The following BRCA2 variants were observed in gnomAD, a reference collection of about 807,000 sequenced individuals.
BRCA2 encodes the protein BRCA2 DNA repair associated.
In BRCA2, 203 loss-of-function variants were observed where a neutral mutation model predicts 276.7. The observed-to-expected ratio is 0.73, with a 90% CI of 0.65 to 0.82. The LOEUF is 0.82. Ranked by LOEUF, BRCA2 falls within the 40% of genes least tolerant of loss-of-function variation. The pLI is 0.00. For missense variants in BRCA2, 3,920 were observed against 3,915.0 expected (o/e 1.00, Z -0.03); for synonymous variants, 1,289 against 1,338.4 (o/e 0.96, Z 0.81).
rs80358691 is a variant in BRCA2, at chr13:32,326,130, C to A, written c.455C>A (p.Thr152Lys). The change falls in exon 5 of 27, where the codon ACA (threonine) becomes AAA (lysine). Residue 152 changes from threonine (T) to lysine (K), a missense_variant. Thr to Lys is a moderately conservative substitution (Grantham distance 78, BLOSUM62 -1). Coordinates refer to ENST00000380152, the MANE Select transcript of BRCA2 (RefSeq NM_000059.4). ...GTTGTTCTACAATGTACACATGTAA[C>A]ACCACAAAGAGATAAGTCAGGTATG... ...SPVVLQCTHV[T>K]PQRDKSVVCG... 5 of 1,609,678 alleles carry A rather than the reference C, an allele frequency of 3.1e-6. No individual in the cohort carries two copies. The highest frequency in any genetic ancestry group is 3.4e-6 in the Non-Finnish European group (4 of 1,177,414).
intron 17 of BRCA2, 130 bp from the exon 18 acceptor site, chr13:32,363,049 A>C: frequency 1.2e-6 from 1 of 821,926 alleles, no homozygotes; most frequent in African/African-American, 1.7e-5. Context: ...ATTCCTAGCT[A>C]CAAAATTTTT....
chr13:32,319,086 C>G lies in BRCA2; in HGVS notation c.77C>G (p.Pro26Arg), dbSNP rs1566215668. The change falls in exon 3 of 27, where the codon CCA (proline) becomes CGA (arginine). Residue 26 changes from proline to arginine, a missense_variant. Physicochemically the swap from Pro to Arg is moderately radical, Grantham distance 103. Transcript: ENST00000380152. ...TTTTTTTTTTAAATAGATTTAGGAC[C>G]AATAAGTCTTAATTGGTTTGAAGAA... ...KTRCNKADLG[P>R]ISLNWFEELS... 1 of 1,612,100 alleles carries G rather than the reference C, an allele frequency of 6.2e-7. No individual in the cohort carries two copies. Among genetic ancestry groups the G allele is most frequent in the Non-Finnish European group, 8.5e-7 (1 of 1,178,706 alleles).
intron 20 of BRCA2, among the ~76,000 whole-genome samples, chr13:32,375,732 G>A (rs780876172): frequency 7.2e-4 from 109 of 151,976 alleles, no homozygotes; most frequent in Admixed American, 7.1e-3. Context: ...GGCTAATTTT[G>A]TATTTTTAGT....
chr13:32,376,542 A>C, intron 20 of BRCA2, 128 bp from the exon 21 acceptor site: 4 of 1,077,680 alleles, frequency 3.7e-6, no homozygotes, highest in Non-Finnish European at 5.3e-6. Context: ...AAAAGAAAAA[A>C]CTTTTAGCAG....
chr13:32,347,558 A>G (rs926895186), intron 13 of BRCA2, among the ~76,000 whole-genome samples: 9 of 152,206 alleles, frequency 5.9e-5, no homozygotes, highest in African/African-American at 2.2e-4. Context: ...CTTGAAAAAG[A>G]TGAATTGAGA....
At position 32,332,696 on chromosome 13, in the gene BRCA2, C is replaced by G. The variant is rs276174807; in HGVS notation, c.1218C>G (p.Ala406=). The G allele has an allele frequency of 1.4e-5, 22 of 1,613,574 alleles. No homozygotes were observed. In the East Asian group the frequency reaches 4.2e-4, roughly 31 times the overall value. The stretch of plus-strand genomic sequence containing the variant: ...TAACCCTTTCAGGTCTAAATGGAGC[C>G]CAGATGGAGAAAATACCCCTATTGC... ...SQLTLSGLNG[A]QMEKIPLLHI... The change falls in exon 10 of 27, where the codon GCC becomes GCG. Residue 406 remains alanine (A), a synonymous_variant. Coordinates refer to ENST00000380152, the MANE Select transcript of BRCA2 (RefSeq NM_000059.4).
At chr13:32,346,378 T>C (rs1422034567) in intron 12 of BRCA2, among the ~76,000 whole-genome samples, 1 of 152,080 alleles carries the variant, frequency 6.6e-6, no homozygotes, top group Non-Finnish European at 1.5e-5. Flanking sequence ...TGTGGTTACA[T>C]AGTAGTTGAT....
intron 23 of BRCA2, 35 bp from the exon 24 acceptor site, chr13:32,379,972 C>G (rs2072912134): frequency 6.2e-7 from 1 of 1,613,034 alleles, no homozygotes; most frequent in African/African-American, 1.3e-5. Context: ...TTTATGGAAT[C>G]TCCATATGTT....
chr13:32,360,848 A>G (rs1451698021), intron 16 of BRCA2, among the ~76,000 whole-genome samples: 1 of 152,156 alleles, frequency 6.6e-6, no homozygotes, highest in Non-Finnish European at 1.5e-5. Context: ...CACTATTAGG[A>G]GTTGCTCAAG....
In BRCA2 at chr13:32,337,659, A is replaced by T. The variant is rs28897719; in HGVS notation, c.3304A>T (p.Asn1102Tyr). Residue 1102 changes from asparagine (N) to tyrosine (Y), a missense_variant, in exon 11 of 27, where the codon AAT (asparagine) becomes TAT (tyrosine). Physicochemically the swap from Asn to Tyr is moderately radical, Grantham distance 143. Around this residue, in one of 2 missense-constraint regions of BRCA2, gnomAD observed 3,263 missense variants for 3,156.9 expected, o/e 1.03. Transcript: ENST00000380152. ...CAAGCAGGATTTTAATTCAAACCATAATTTAACACCTAGCCAAAAGGCAGA... is the reference window on the plus strand; with the variant it reads ...CAAGCAGGATTTTAATTCAAACCATTATTTAACACCTAGCCAAAAGGCAGA... ...FSKQDFNSNH[N>Y]LTPSQKAEIT... 1.2e-5 allele frequency: 19 copies of T among 1,588,900 alleles called. No individual in the cohort carries two copies. The highest frequency in any genetic ancestry group is 1.5e-5 in the Non-Finnish European group (17 of 1,169,320).
chr13:32,325,011 T>G (rs758910027), intron 3 of BRCA2, 65 bp from the exon 4 acceptor site: 3 of 1,202,622 alleles, frequency 2.5e-6, no homozygotes, highest in Non-Finnish European at 3.7e-6. Context: ...TTTAAACACT[T>G]CCAAAGAATG....
chr13:32,347,026 A>G, intron 13 of BRCA2, 130 bp downstream of exon 13: 1 of 680,410 alleles, frequency 1.5e-6, no homozygotes, highest in Non-Finnish European at 2.4e-6. Context: ...TAAAATTTAT[A>G]AAATACTTTG....
At chr13:32,368,187 T>C (rs1393572076) in intron 18 of BRCA2, among the ~76,000 whole-genome samples, 1 of 151,472 alleles carries the variant, frequency 6.6e-6, no homozygotes, top group East Asian at 2.0e-4. Context: ...ACCTGGCTAA[T>C]TTTTTTGTAT....
In BRCA2 at chr13:32,397,064, A is replaced by G. The variant is rs758769933; in HGVS notation, c.9648+20A>G. 6.2e-7 allele frequency: 1 copy of G among 1,609,868 alleles called. No individual in the cohort carries two copies. The highest frequency in any genetic ancestry group is 8.5e-7 in the Non-Finnish European group (1 of 1,176,224). On this transcript the variant is annotated intron_variant, in intron 26 of 26. Coordinates refer to ENST00000380152, the MANE Select transcript of BRCA2 (RefSeq NM_000059.4). Reference sequence around the variant, plus strand: ...CTTCTGGTAAGTTAATGTAAACTCAAGGAATATTATAAGAAGTATATATGG... The same window carrying G: ...CTTCTGGTAAGTTAATGTAAACTCAGGGAATATTATAAGAAGTATATATGG...
rs1555283170 is a variant in BRCA2, at chr13:32,337,679, G to C, written c.3324G>C (p.Lys1108Asn). Reference protein sequence around the residue: ...NSNHNLTPSQKAEITELSTIL... With the variant: ...NSNHNLTPSQNAEITELSTIL... ...ACCATAATTTAACACCTAGCCAAAA[G>C]GCAGAAATTACAGAACTTTCTACTA... The change falls in exon 11 of 27, where the codon AAG (lysine) becomes AAC (asparagine). Residue 1108 changes from lysine (K) to asparagine (N), a missense_variant. Lys to Asn is a moderately conservative substitution (Grantham distance 94). This residue lies in a region of BRCA2 where 3,263 missense variants were observed against 3,156.9 expected (regional missense o/e 1.03). Coordinates refer to ENST00000380152, the MANE Select transcript of BRCA2 (RefSeq NM_000059.4). 6.3e-7 allele frequency: 1 copy of C among 1,599,012 alleles called. No homozygotes were observed. The highest frequency in any genetic ancestry group is 8.5e-7 in the Non-Finnish European group (1 of 1,173,598).
At chr13:32,325,504 T>G (rs2072338068) in intron 4 of BRCA2, among the ~76,000 whole-genome samples, 1 of 151,978 alleles carries the variant, frequency 6.6e-6, no homozygotes, top group Admixed American at 6.6e-5. Flanking sequence ...TGTGTACTTT[T>G]CATCTTTGGA....
rs80359273 is a variant in BRCA2, at chr13:32,332,739, CA to C, written c.1265del (p.Asn422IlefsTer8). 1 of 1,608,990 alleles carries C rather than the reference CA, an allele frequency of 6.2e-7. No homozygotes were observed. The highest frequency in any genetic ancestry group is 8.5e-7 in the Non-Finnish European group (1 of 1,178,616). On this transcript the variant is annotated frameshift_variant, in exon 10 of 27. Transcript: ENST00000380152. LOFTEE classifies it high-confidence loss of function. ...CCTATTGCATATTTCTTCATGTGACCAAAATATTTCAGAAAAAGACCTATTA... is the reference window on the plus strand; with the variant it reads ...CCTATTGCATATTTCTTCATGTGACCAAATATTTCAGAAAAAGACCTATTA... Reference protein sequence around the residue: ...IPLLHISSCDQNISEKDLLDT... With the variant: ...IPLLHISSCDXNISEKDLLDT...
chr13:32,370,410 T>C lies in BRCA2; in HGVS notation c.8340T>C (p.Ala2780=), dbSNP rs2072818521. 2 of 1,613,440 alleles carry C rather than the reference T, an allele frequency of 1.2e-6. No homozygotes were observed. Among genetic ancestry groups the C allele is most frequent in the South Asian group, 1.1e-5 (1 of 91,062 alleles). The change falls in exon 19 of 27, where the codon GCT becomes GCC. Residue 2780 remains alanine, a synonymous_variant. Coordinates refer to ENST00000380152, the MANE Select transcript of BRCA2 (RefSeq NM_000059.4). Reference sequence around the variant, plus strand: ...TTTATTAATTTGTCCAGATTTCTGCTAACAGTACTCGGCCTGCTCGCTGGT... The same window carrying C: ...TTTATTAATTTGTCCAGATTTCTGCCAACAGTACTCGGCCTGCTCGCTGGT... ...APESLMLKIS[A]NSTRPARWYT... is the part of the protein sequence containing the mutation.
Position 32,332,736 on chromosome 13 carries a change from G to T in BRCA2, c.1258G>T (p.Asp420Tyr), listed in dbSNP as rs2072407813. Residue 420 changes from aspartate (D) to tyrosine (Y), a missense_variant, in exon 10 of 27, where the codon GAC becomes TAC. By Grantham distance (160) the Asp-to-Tyr change is radical. Around this residue, in one of 2 missense-constraint regions of BRCA2, gnomAD observed 3,263 missense variants for 3,156.9 expected, o/e 1.03. Transcript: ENST00000380152. ...ACCCCTATTGCATATTTCTTCATGT[G>T]ACCAAAATATTTCAGAAAAAGACCT... is the stretch of plus-strand genomic sequence containing the variant. ...KIPLLHISSC[D>Y]QNISEKDLLD... 6.2e-7 allele frequency: 1 copy of T among 1,610,338 alleles called. No individual in the cohort carries two copies. The highest frequency in any genetic ancestry group is 1.1e-5 in the South Asian group (1 of 89,968).
Sources: gnomAD v4.1 joint callset for allele counts (sites outside exome capture counted in the v4.1 genomes callset) on GRCh38, gnomAD v4.1.1 for gene constraint, gnomAD v4.1.1 regional missense constraint, MANE v1.5 for transcripts, NCBI Gene and HGNC (gene_info 2026-07-23, HGNC 2026-07-21) for gene names.